Variants in C10orf67 observed in about 807,000 individuals in gnomAD.
C10orf67 encodes the protein uncharacterized protein C10orf67, mitochondrial.
A neutral mutation model predicts 35.6 loss-of-function variants in C10orf67; 60 were observed. The ratio of observed to expected loss-of-function variants is 1.68; its 90% CI spans 1.37 to 2.09. The LOEUF is 2.09. Among genes scored for constraint, C10orf67 ranks in the 30% most tolerant of loss-of-function variants. The pLI, the probability that C10orf67 is intolerant of heterozygous loss-of-function variation, is 0.00. For missense variants in C10orf67, 474 were observed against 330.2 expected (o/e 1.44, Z -3.38); for synonymous variants, 167 against 115.8 (o/e 1.44, Z -2.84).
intron 4 of C10orf67, chr10:23,317,889 G>T (rs1165295903): frequency 6.6e-6 from 1 of 151,702 alleles, no homozygotes; most frequent in Non-Finnish European, 1.5e-5. Flanking sequence ...CTTGAGGACA[G>T]GAGTTCAAGA....
chr10:23,333,041 T>A (rs780390782), intron 2 of C10orf67, 21 bp downstream of exon 2: 1 of 1,604,870 alleles, frequency 6.2e-7, no homozygotes, highest in Non-Finnish European at 8.5e-7. Context: ...CTCAGAAGTT[T>A]CAGAACAAAT....
At chr10:23,281,757 T>C (rs1274601827) in intron 8 of C10orf67, among the ~76,000 whole-genome samples, 1 of 152,150 alleles carries the variant, frequency 6.6e-6, no homozygotes, top group Non-Finnish European at 1.5e-5. Context: ...ATGCAGAAAT[T>C]TTATACATGG....
intron 13 of C10orf67, among the ~76,000 whole-genome samples, chr10:23,232,572 A>G (rs755331851): frequency 4.7e-4 from 72 of 152,298 alleles, no homozygotes; most frequent in Non-Finnish European, 1.3e-4. Context: ...TCATGGGCTT[A>G]GACTATTGGA....
At chr10:23,230,852 A>C (rs760522271) in intron 13 of C10orf67, among the ~76,000 whole-genome samples, 8 of 152,228 alleles carry the variant, frequency 5.3e-5, no homozygotes, top group Non-Finnish European at 1.0e-4. Context: ...CATATGGAAC[A>C]CTAGAAACTT....
chr10:23,265,498 A>G (rs1842864336), intron 10 of C10orf67, among the ~76,000 whole-genome samples: 1 of 152,192 alleles, frequency 6.6e-6, no homozygotes, highest in African/African-American at 2.4e-5. Flanking sequence ...CATATGTGTC[A>G]CCAATTGGGT....
intron 13 of C10orf67, among the ~76,000 whole-genome samples, chr10:23,232,934 A>AGT (rs1162941576): frequency 2.6e-5 from 4 of 152,140 alleles, no homozygotes; most frequent in African/African-American, 9.7e-5. Flanking sequence ...AGGCGGGAGG[A>AGT]TCACTTGAGG....
intron 10 of C10orf67, among the ~76,000 whole-genome samples, chr10:23,251,485 G>A (rs1033449813): frequency 6.6e-6 from 1 of 152,154 alleles, no homozygotes; most frequent in African/African-American, 2.4e-5. Flanking sequence ...TTTGCAAGAG[G>A]ACAAAGTTTC....
At chr10:23,222,708 T>C (rs538312149) in intron 15 of C10orf67, among the ~76,000 whole-genome samples, 1 of 152,276 alleles carries the variant, frequency 6.6e-6, no homozygotes, top group South Asian at 2.1e-4. Context: ...TACAATAAAA[T>C]GTGAGTACAT....
At chr10:23,312,823 C>G (rs1844547666) in intron 4 of C10orf67, among the ~76,000 whole-genome samples, 1 of 152,188 alleles carries the variant, frequency 6.6e-6, no homozygotes, top group Admixed American at 6.5e-5. Context: ...ATACTTCCAT[C>G]ATGTAGATGG....
intron 5 of C10orf67, among the ~76,000 whole-genome samples, chr10:23,302,159 G>T (rs1371914195): frequency 6.6e-6 from 1 of 151,946 alleles, no homozygotes; most frequent in South Asian, 2.1e-4. Context: ...AAAGAGGGTA[G>T]CCCTCTATGT....
chr10:23,210,982 AT>A (rs1245261753), intron 15 of C10orf67, among the ~76,000 whole-genome samples: 5 of 152,220 alleles, frequency 3.3e-5, no homozygotes, highest in African/African-American at 9.7e-5. Flanking sequence ...GTGGGTATCA[AT>A]TATTTAATGT....
intron 15 of C10orf67, among the ~76,000 whole-genome samples, chr10:23,208,924 A>G (rs1841231470): frequency 6.6e-6 from 1 of 152,114 alleles, no homozygotes; most frequent in Non-Finnish European, 1.5e-5. Flanking sequence ...AGTGAGGGAC[A>G]TGAGGTCTGG....
chr10:23,253,554 A>T (rs890458974), intron 10 of C10orf67, among the ~76,000 whole-genome samples: 1 of 152,228 alleles, frequency 6.6e-6, no homozygotes, highest in African/African-American at 2.4e-5. Context: ...ATTAATCCCC[A>T]GAAAATTAGG....
chr10:23,227,282 C>T (rs1252882320), intron 13 of C10orf67, among the ~76,000 whole-genome samples: 2 of 152,192 alleles, frequency 1.3e-5, no homozygotes, highest in Admixed American at 1.3e-4. Flanking sequence ...GCTGGTTCAA[C>T]ATATGCAAAT....
chr10:23,269,023 C>T (rs1842953020), intron 8 of C10orf67, among the ~76,000 whole-genome samples: 1 of 152,160 alleles, frequency 6.6e-6, no homozygotes. Context: ...TATAGTTAAC[C>T]TTTGTTGTAA....
intron 7 of C10orf67, among the ~76,000 whole-genome samples, chr10:23,286,157 C>T (rs546404990): frequency 3.3e-5 from 5 of 151,290 alleles, no homozygotes; most frequent in Non-Finnish European, 5.9e-5. Context: ...TTTGGGAGGA[C>T]GAGGTGGGAG....
intron 8 of C10orf67, among the ~76,000 whole-genome samples, chr10:23,268,888 G>A (rs1463144065): frequency 1.3e-5 from 2 of 152,166 alleles, no homozygotes; most frequent in African/African-American, 4.8e-5. Context: ...ATGTATTTGT[G>A]TATCTAAACA....
intron 13 of C10orf67, among the ~76,000 whole-genome samples, chr10:23,238,216 A>G (rs1842095178): frequency 6.6e-6 from 1 of 152,214 alleles, no homozygotes; most frequent in Non-Finnish European, 1.5e-5. Context: ...TGTACGGTGG[A>G]TGAATGACTA....
chr10:23,344,056 G>A (rs371468466), intron 1 of C10orf67: 20 of 304,680 alleles, frequency 6.6e-5, no homozygotes, highest in East Asian at 2.3e-4. Context: ...AGTCGGAGTC[G>A]GGAACCCGGC....
Sources: gnomAD v4.1 joint callset for allele counts (sites outside exome capture counted in the v4.1 genomes callset) on GRCh38, gnomAD v4.1.1 for gene constraint, MANE v1.5 for transcripts, NCBI Gene and HGNC (gene_info 2026-07-23, HGNC 2026-07-21) for gene names.